Variants in CYTH3 observed in about 807,000 individuals in gnomAD.
CYTH3 encodes cytohesin 3, also known as cytohesin-3.
Under a neutral mutation model 55.1 loss-of-function variants are expected in CYTH3, and 23 were observed. The ratio of observed to expected loss-of-function variants is 0.42; its 90% CI spans 0.30 to 0.59. CYTH3 has a LOEUF of 0.59. Ranked by LOEUF, CYTH3 falls within the 20% of genes least tolerant of loss-of-function variation. The pLI, the probability that CYTH3 is intolerant of heterozygous loss-of-function variation, is 0.20. For synonymous variants in CYTH3, 249 were observed against 194.9 expected (o/e 1.28, Z -2.31); for missense variants, 413 against 524.8 (o/e 0.79, Z 2.08).
In CYTH3 at chr7:6,164,283, A is replaced by G. The variant is rs922849321; in HGVS notation, c.*661T>C. 2 of 152,636 alleles carry G rather than the reference A, an allele frequency of 1.3e-5. No individual in the cohort carries two copies. Among genetic ancestry groups the G allele is most frequent in the East Asian group, 1.9e-4 (1 of 5,182 alleles). 9.5% of individuals were successfully genotyped at this position (152,636 alleles called of 1,614,324 possible). A position where few individuals can be genotyped will look rare whatever the true frequency, so the allele number is the denominator to read the frequency against. On this transcript the variant is annotated 3_prime_UTR_variant, in exon 13 of 13. Transcript: ENST00000350796. ...AGCCCTCCCCTTGGGTGCTGTGTAG[A>G]TGGATATTTTTTCAGTGCACAGTAT...
At chr7:6,241,716 A>T (rs1779677287) in intron 1 of CYTH3, among the ~76,000 whole-genome samples, 4 of 152,150 alleles carry the variant, frequency 2.6e-5, no homozygotes, top group Non-Finnish European at 5.9e-5. Flanking sequence ...GAGCTGTTTA[A>T]AAAAAGTGGT....
intron 1 of CYTH3, among the ~76,000 whole-genome samples, chr7:6,204,436 C>T (rs111863760): frequency 3.2e-4 from 48 of 152,288 alleles, no homozygotes; most frequent in Non-Finnish European, 4.4e-4. Flanking sequence ...AGCAGTGAAG[C>T]AGAAGTCCTC....
intron 1 of CYTH3, among the ~76,000 whole-genome samples, chr7:6,233,443 TGAG>T (rs1779436872): frequency 6.6e-6 from 1 of 151,976 alleles, no homozygotes; most frequent in Non-Finnish European, 1.5e-5. Flanking sequence ...GATCACGAGG[TGAG>T]GAGATCGAGA....
intron 1 of CYTH3, among the ~76,000 whole-genome samples, chr7:6,250,472 G>C (rs948018497): frequency 1.3e-5 from 2 of 152,152 alleles, no homozygotes; most frequent in African/African-American, 4.8e-5. Flanking sequence ...ACCAATCCAA[G>C]TCTCAGTTCC....
rs1320000489 is a variant in CYTH3, at chr7:6,187,644, C to T, written c.182+13G>A. 13 of 1,608,652 alleles carry T rather than the reference C, an allele frequency of 8.1e-6. No individual in the cohort carries two copies. In the Admixed American group the frequency reaches 2.2e-4, roughly 27 times the overall value. ...AGAGTAAATAGCTTAAAGGTGTAGC[C>T]ACAAATTGTTACCTCTCCTCTACGG... On this transcript the variant is annotated intron_variant, in intron 3 of 12. Coordinates refer to ENST00000350796, the MANE Select transcript of CYTH3 (RefSeq NM_004227.4).
intron 1 of CYTH3, among the ~76,000 whole-genome samples, chr7:6,191,314 A>G (rs1783798932): frequency 6.6e-6 from 1 of 152,078 alleles, no homozygotes; most frequent in African/African-American, 2.4e-5. Context: ...TAAATAAATC[A>G]ACATAGACAG....
At chr7:6,269,953 C>T (rs1030828033) in intron 1 of CYTH3, among the ~76,000 whole-genome samples, 5 of 152,168 alleles carry the variant, frequency 3.3e-5, no homozygotes, top group African/African-American at 9.6e-5. Context: ...TTTAAACAAG[C>T]TTTAACTGAC....
intron 1 of CYTH3, among the ~76,000 whole-genome samples, chr7:6,232,551 C>G (rs929915771): frequency 6.6e-6 from 1 of 152,064 alleles, no homozygotes; most frequent in African/African-American, 2.4e-5. Context: ...TCGCAGAAGC[C>G]CAAACTTCTG....
intron 1 of CYTH3, among the ~76,000 whole-genome samples, chr7:6,203,274 T>C (rs1292166264): frequency 2.0e-5 from 3 of 152,178 alleles, no homozygotes; most frequent in Admixed American, 2.0e-4. Flanking sequence ...TCACTGATTA[T>C]AAGATGTGCT....
chr7:6,261,949 A>T (rs575353441), intron 1 of CYTH3, among the ~76,000 whole-genome samples: 1 of 152,194 alleles, frequency 6.6e-6, no homozygotes, highest in Non-Finnish European at 1.5e-5. Flanking sequence ...AGACTTTAAA[A>T]TAACTCTGAT....
chr7:6,232,219 G>C (rs1253711882), intron 1 of CYTH3, among the ~76,000 whole-genome samples: 1 of 152,072 alleles, frequency 6.6e-6, no homozygotes, highest in Non-Finnish European at 1.5e-5. Flanking sequence ...CAAACCAGCA[G>C]GCTAATTGGT....
At chr7:6,174,525 G>A (rs1783285405) in intron 5 of CYTH3, among the ~76,000 whole-genome samples, 1 of 147,216 alleles carries the variant, frequency 6.8e-6, no homozygotes, top group Non-Finnish European at 1.5e-5. Flanking sequence ...GTGTGAAATG[G>A]TATCTCCTTG....
chr7:6,224,476 C>T (rs1425807557), intron 1 of CYTH3, among the ~76,000 whole-genome samples: 2 of 152,126 alleles, frequency 1.3e-5, no homozygotes, highest in South Asian at 2.1e-4. Flanking sequence ...CTACCTTATG[C>T]CATATACAAA....
At chr7:6,259,801 ATATATATATATAATAT>A (rs1780285445) in intron 1 of CYTH3, among the ~76,000 whole-genome samples, 3 of 24,102 alleles carry the variant, frequency 1.2e-4, no homozygotes, top group African/African-American at 4.8e-4. Flanking sequence ...ATATATATAT[ATATATATATATAATAT>A]ATATATATAT....
At chr7:6,178,001 G>C (rs372571226) in intron 4 of CYTH3, 60 bp from the exon 5 acceptor site, 8 of 1,309,534 alleles carry the variant, frequency 6.1e-6, no homozygotes, top group Non-Finnish European at 8.8e-6. Flanking sequence ...ATTTTTCAAA[G>C]ACAGAAATAC....
intron 1 of CYTH3, among the ~76,000 whole-genome samples, chr7:6,216,228 T>C (rs1449215899): frequency 6.6e-6 from 1 of 152,122 alleles, no homozygotes; most frequent in Non-Finnish European, 1.5e-5. Flanking sequence ...GTTCTCAATA[T>C]ATATGGAAGA....
chr7:6,257,825 C>G (rs762428731), intron 1 of CYTH3, among the ~76,000 whole-genome samples: 2 of 152,170 alleles, frequency 1.3e-5, no homozygotes, highest in Non-Finnish European at 1.5e-5. Flanking sequence ...GGGGTATTTA[C>G]TGTCCCACAT....
intron 1 of CYTH3, among the ~76,000 whole-genome samples, chr7:6,250,710 G>C (rs1000427525): frequency 1.3e-5 from 2 of 152,172 alleles, no homozygotes; most frequent in Non-Finnish European, 2.9e-5. Context: ...TGGGGCCCAG[G>C]TTCTTTTTGA....
At chr7:6,177,204 A>C (rs998233416) in intron 5 of CYTH3, among the ~76,000 whole-genome samples, 2 of 152,240 alleles carry the variant, frequency 1.3e-5, no homozygotes, top group Admixed American at 1.3e-4. Flanking sequence ...TCCACTTTCC[A>C]CTTTCGATCA....
Sources: gnomAD v4.1 joint callset for allele counts (sites outside exome capture counted in the v4.1 genomes callset) on GRCh38, gnomAD v4.1.1 for gene constraint, MANE v1.5 for transcripts, NCBI Gene and HGNC (gene_info 2026-07-23, HGNC 2026-07-21) for gene names.